The following RFXANK variants were observed in gnomAD, a reference collection of about 807,000 sequenced individuals.
The protein encoded by RFXANK is DNA-binding protein RFXANK.
Under a neutral mutation model 34.5 loss-of-function variants are expected in RFXANK, and 19 were observed. The observed-to-expected ratio is 0.55, with a 90% confidence interval of 0.38 to 0.81. The LOEUF (loss-of-function observed/expected upper bound fraction) is 0.81, where lower values mean the gene tolerates loss of function less well. Among genes scored for constraint, RFXANK ranks in the 30% least tolerant of loss-of-function variants. RFXANK has a pLI of 0.00. For missense variants in RFXANK, 295 were observed against 343.5 expected, an observed-to-expected ratio of 0.86 and a Z score of 1.12; for synonymous variants, 154 against 149.8, an observed-to-expected ratio of 1.03 and a Z score of -0.20.
At chr19:19,199,256 C>T (rs1421233909) in intron 9 of RFXANK, 22 bp downstream of exon 9, 4 of 1,611,824 alleles carry the variant, frequency 2.5e-6, no homozygotes, top group Non-Finnish European at 2.5e-6. Context: ...ACACACAGAG[C>T]AGGGGTGGGG....
intron 3 of RFXANK, among the ~76,000 whole-genome samples, chr19:19,195,309 G>A (rs1352170246): frequency 8.8e-6 from 1 of 113,330 alleles, no homozygotes; most frequent in Admixed American, 1.1e-4. Context: ...CTCTCGAGAC[G>A]CCTCCTGGAT....
intron 3 of RFXANK, among the ~76,000 whole-genome samples, chr19:19,195,600 A>G (rs1160531597): frequency 6.7e-6 from 1 of 148,730 alleles, no homozygotes; most frequent in Non-Finnish European, 1.5e-5. Flanking sequence ...CACCGCGCCC[A>G]GTCCCTGTAG....
At chr19:19,195,923 G>A (rs1458850011) in intron 3 of RFXANK, among the ~76,000 whole-genome samples, 1 of 151,248 alleles carries the variant, frequency 6.6e-6, no homozygotes, top group Non-Finnish European at 1.5e-5. Context: ...TGTGTTTTTA[G>A]TAGAGGTGGA....
chr19:19,194,865 T>G (rs2060569874), intron 3 of RFXANK, among the ~76,000 whole-genome samples: 1 of 152,094 alleles, frequency 6.6e-6, no homozygotes, highest in African/African-American at 2.4e-5. Flanking sequence ...GGTCAGATGG[T>G]CATCCTGTTT....
chr19:19,193,331 G>GTGC (rs1416149378), intron 2 of RFXANK, among the ~76,000 whole-genome samples: 2 of 151,840 alleles, frequency 1.3e-5, no homozygotes, highest in African/African-American at 2.4e-5. Flanking sequence ...GTTAAGTCAC[G>GTGC]TGCCCAAGTT....
In RFXANK at chr19:19,194,008, T is replaced by C. The variant is rs761951873; in HGVS notation, c.62T>C (p.Leu21Pro). The C allele has an allele frequency of 2.4e-5, 39 of 1,614,094 alleles. No homozygotes were observed. The highest frequency in any genetic ancestry group is 1.7e-4 in the Admixed American group (10 of 60,004). ...ACCCAGCAGACCCCTGCCTCAGAACTTGGGGACCCTGAAGACCCCGGAGAG... is the reference window on the plus strand; with the variant it reads ...ACCCAGCAGACCCCTGCCTCAGAACCTGGGGACCCTGAAGACCCCGGAGAG... ...IQTQQTPASE[L>P]GDPEDPGEEA... is the part of the protein sequence containing the mutation. The change falls in exon 3 of 10, where the codon CTT (leucine) becomes CCT (proline). Residue 21 changes from leucine (L) to proline (P), a missense_variant. Transcript: ENST00000303088.
At position 19,198,226 on chromosome 19, in the gene RFXANK, T is replaced by C; in HGVS notation, c.558T>C (p.Tyr186=). ...LLERDVDINI[Y]DWNGGTPLLY... Reference sequence around the variant, plus strand: ...AGCGTGACGTGGACATCAACATCTATGATTGGGTGAGGGACTGCCCATCCC... The same window carrying C: ...AGCGTGACGTGGACATCAACATCTACGATTGGGTGAGGGACTGCCCATCCC... Residue 186 remains tyrosine, a synonymous_variant, in exon 7 of 10, where the codon TAT becomes TAC. Transcript: ENST00000303088. 1 of 1,614,102 alleles carries C rather than the reference T, an allele frequency of 6.2e-7. No homozygotes were observed. The highest frequency in any genetic ancestry group is 8.5e-7 in the Non-Finnish European group (1 of 1,180,008).
At chr19:19,201,578 C>G in intron 9 of RFXANK, 71 bp from the exon 10 acceptor site, 1 of 1,611,358 alleles carries the variant, frequency 6.2e-7, no homozygotes, top group Non-Finnish European at 8.5e-7. Context: ...GGGGAGAGCG[C>G]AGGTTGGCCT....
rs2066400915 is a variant in RFXANK at position 19,192,961 on chromosome 19, G to A, written c.-148G>A. 2 of 152,428 alleles carry A rather than the reference G, an allele frequency of 1.3e-5. No homozygotes were observed. Among genetic ancestry groups the A allele is most frequent in the Non-Finnish European group, 2.9e-5 (2 of 68,178 alleles). The allele number at this position is 152,428 out of a possible 1,614,324, so 9.4% of individuals were successfully genotyped here. A position where few individuals can be genotyped will look rare whatever the true frequency, so the allele number is the denominator to read the frequency against. On this transcript the variant is annotated splice_region_variant and 5_prime_UTR_variant, in exon 2 of 10. Coordinates refer to ENST00000303088, the MANE Select transcript of RFXANK (RefSeq NM_003721.4). ...TCAAGTTGCTTTCTGTCCCGGCAGA[G>A]GAAGCCAGATCGCTGAGGGTCCGGT...
At position 19,192,338 on chromosome 19, in the gene RFXANK, C is replaced by T; in HGVS notation, c.-366C>T. On this transcript the variant is annotated 5_prime_UTR_variant, in exon 1 of 10. In the 5' UTR this introduces an upstream ATG that the reference lacks. Transcript: ENST00000303088. ...GTGGCGCAGTGAGGAGGGGGCGCGACGGCCAGGAGGCTGGTGGAGCGACAC... is the reference window on the plus strand; with the variant it reads ...GTGGCGCAGTGAGGAGGGGGCGCGATGGCCAGGAGGCTGGTGGAGCGACAC... 4 of 602,112 alleles carry T rather than the reference C, an allele frequency of 6.6e-6. No homozygotes were observed. The highest frequency in any genetic ancestry group is 6.1e-5 in the South Asian group (3 of 49,216). The allele number at this position is 602,112 out of a possible 1,614,324, so 37.3% of individuals were successfully genotyped here. A position where few individuals can be genotyped will look rare whatever the true frequency, so the allele number is the denominator to read the frequency against.
At chr19:19,195,737 ATTTTTT>A (rs61553021) in intron 3 of RFXANK, among the ~76,000 whole-genome samples, 1 of 105,688 alleles carries the variant, frequency 9.5e-6, no homozygotes, top group African/African-American at 3.8e-5. Context: ...CTGCTTTTAA[ATTTTTT>A]TTTTTTTTTT....
intron 9 of RFXANK, chr19:19,201,414 C>T (rs1300636951): frequency 1.4e-6 from 2 of 1,434,682 alleles, no homozygotes; most frequent in East Asian, 4.9e-5. Flanking sequence ...ACACATTTTG[C>T]TTGGTAGGAA....
At chr19:19,199,808 A>G (rs1211711959) in intron 9 of RFXANK, among the ~76,000 whole-genome samples, 2 of 151,804 alleles carry the variant, frequency 1.3e-5, no homozygotes, top group Non-Finnish European at 2.9e-5. Context: ...CCCCAGTTTG[A>G]CTCCATTTTC....
rs578037994 is a variant in RFXANK, at chr19:19,198,644, C to G, written c.565-13C>G. On this transcript the variant is annotated splice_polypyrimidine_tract_variant and intron_variant, in intron 7 of 9. Transcript: ENST00000303088. ...GGTAAACCTTTGGTTTCTCCTGCCCCTACCCACGACAGAATGGAGGGACGC... is the reference window on the plus strand; with the variant it reads ...GGTAAACCTTTGGTTTCTCCTGCCCGTACCCACGACAGAATGGAGGGACGC... 6.2e-7 allele frequency: 1 copy of G among 1,612,940 alleles called. No homozygotes were observed. The highest frequency in any genetic ancestry group is 2.2e-5 in the East Asian group (1 of 44,898).
At chr19:19,195,123 A>G (rs185567262) in intron 3 of RFXANK, among the ~76,000 whole-genome samples, 2,040 of 146,880 alleles carry the variant, frequency 0.014, 16 homozygotes, top group Middle Eastern at 0.027. Flanking sequence ...CAGTGGCGCA[A>G]TCTTGGCTCA....
At position 19,192,423 on chromosome 19, in the gene RFXANK, G is replaced by C; in HGVS notation, c.-281G>C. On this transcript the variant is annotated 5_prime_UTR_variant, in exon 1 of 10. Transcript: ENST00000303088. ...CTGAACCCCCTTTTCCTTGAGAGAC[G>C]AGTTGGGGGAGTCCTCCACGCATTA... 2 of 498,914 alleles carry C rather than the reference G, an allele frequency of 4.0e-6. No individual in the cohort carries two copies. The highest frequency in any genetic ancestry group is 7.3e-6 in the Non-Finnish European group (2 of 275,644). The allele number at this position is 498,914 out of a possible 1,614,324, so 30.9% of individuals were successfully genotyped here. A position where few individuals can be genotyped will look rare whatever the true frequency, so the allele number is the denominator to read the frequency against.
Position 19,197,250 on chromosome 19 carries a change from A to G in RFXANK, c.336A>G (p.Lys112=), listed in dbSNP as rs1485127019. 2 of 1,612,622 alleles carry G rather than the reference A, an allele frequency of 1.2e-6. No individual in the cohort carries two copies. The highest frequency in any genetic ancestry group is 2.7e-5 in the African/African-American group (2 of 74,902). The part of the protein sequence containing the change: ...ELDQLKEHLR[K]GDNLVNKPDE... ...ACCAGCTGAAGGAGCATTTGCGGAA[A>G]GGTGCGTGTCCACACACATGTGCTG... is the stretch of plus-strand genomic sequence containing the variant. Residue 112 remains lysine, a splice_region_variant and synonymous_variant, in exon 5 of 10, where the codon AAA becomes AAG. Transcript: ENST00000303088.
intron 6 of RFXANK, 84 bp downstream of exon 6, chr19:19,197,705 T>G: frequency 1.6e-6 from 2 of 1,253,850 alleles, no homozygotes; most frequent in Non-Finnish European, 2.3e-6. Flanking sequence ...TGCTGGCGCC[T>G]TGTCTTTGAG....
In RFXANK at chr19:19,192,386, C is replaced by T. The variant is rs1416010485; in HGVS notation, c.-318C>T. The T allele has an allele frequency of 7.7e-5, 44 of 571,364 alleles. No individual in the cohort carries two copies. The highest frequency in any genetic ancestry group is 7.8e-5 in the Non-Finnish European group (25 of 319,692). The allele number at this position is 571,364 out of a possible 1,614,324, so 35.4% of individuals were successfully genotyped here. On this transcript the variant is annotated 5_prime_UTR_variant, in exon 1 of 10. Coordinates refer to ENST00000303088, the MANE Select transcript of RFXANK (RefSeq NM_003721.4). ...CACCCAGGCAGGAGAGGGGGAAGAACTCTCTCCCTTTCTGAACCCCCTTTT... is the reference window on the plus strand; with the variant it reads ...CACCCAGGCAGGAGAGGGGGAAGAATTCTCTCCCTTTCTGAACCCCCTTTT...
Sources: gnomAD v4.1 joint callset for allele counts (sites outside exome capture counted in the v4.1 genomes callset) on GRCh38, gnomAD v4.1.1 for gene constraint, MANE v1.5 for transcripts, NCBI Gene and HGNC (gene_info 2026-07-23, HGNC 2026-07-21) for gene names.